The following EVC2 variants were observed in gnomAD, a reference collection of about 807,000 sequenced individuals.
EVC2 encodes EvC ciliary complex subunit 2.
EVC2 carries 148 observed loss-of-function variants against 149.3 expected under a neutral mutation model. The ratio of observed to expected loss-of-function variants is 0.99; its 90% CI spans 0.87 to 1.14. The LOEUF is 1.14. EVC2 is among the 50% of genes most tolerant of loss of function. The pLI, the probability that EVC2 is intolerant of heterozygous loss-of-function variation, is 0.00. For missense variants in EVC2, 1,854 were observed against 1,627.3 expected (o/e 1.14, Z -2.40); for synonymous variants, 776 against 649.9 (o/e 1.19, Z -2.95).
the EVC2 span, among the ~76,000 whole-genome samples, chr4:5,533,663 G>A: frequency 6.6e-6 from 1 of 152,222 alleles, no homozygotes; most frequent in Non-Finnish European, 1.5e-5. Flanking sequence ...TTGTTCCCCT[G>A]CACTACCCAT....
intron 16 of EVC2, among the ~76,000 whole-genome samples, chr4:5,595,204 G>C (rs1008327950): frequency 1.4e-4 from 22 of 152,038 alleles, no homozygotes; most frequent in African/African-American, 2.9e-4. Flanking sequence ...TTCAGATTCA[G>C]GAAATACAGA....
At position 5,685,357 on chromosome 4, in the gene EVC2, AC is replaced by A; in HGVS notation, c.816+12del. 6.2e-7 allele frequency: 1 copy of A among 1,613,384 alleles called. No individual in the cohort carries two copies. Among genetic ancestry groups the A allele is most frequent in the Non-Finnish European group, 8.5e-7 (1 of 1,179,304 alleles). ...CAGTGGCAAGACAGAGATTAAAGTAACAAAGGTCATACCCGTGACGAGCTCT... is the reference window on the plus strand; with the variant it reads ...CAGTGGCAAGACAGAGATTAAAGTAAAAAGGTCATACCCGTGACGAGCTCT... On this transcript the variant is annotated intron_variant, in intron 6 of 21. Transcript: ENST00000344408.
intron 16 of EVC2, among the ~76,000 whole-genome samples, chr4:5,601,889 G>A (rs913869868): frequency 2.0e-5 from 3 of 152,192 alleles, no homozygotes; most frequent in Non-Finnish European, 4.4e-5. Context: ...CACATCAGAG[G>A]CAGAGAGTGA....
At chr4:5,619,472 G>A (rs1241429964) in intron 14 of EVC2, among the ~76,000 whole-genome samples, 1 of 152,170 alleles carries the variant, frequency 6.6e-6, no homozygotes, top group African/African-American at 2.4e-5. Context: ...AGCAACACCA[G>A]CAGCTAAGAA....
chr4:5,634,962 T>A (rs937076378), intron 10 of EVC2, among the ~76,000 whole-genome samples: 1 of 151,146 alleles, frequency 6.6e-6, no homozygotes, highest in Admixed American at 6.6e-5. Context: ...AGTCTTCCCA[T>A]CCTTTAGCTG....
chr4:5,681,298 T>C lies in EVC2; in HGVS notation c.832A>G (p.Lys278Glu). 6.2e-7 allele frequency: 1 copy of C among 1,614,252 alleles called. No homozygotes were observed. Residue 278 changes from lysine (K) to glutamate (E), a missense_variant, in exon 7 of 22, where the codon AAA (lysine) becomes GAA (glutamate). Lys to Glu is a moderately conservative substitution (Grantham distance 56, BLOSUM62 1). Transcript: ENST00000344408. ...TCTGCTGTTATGGAAAAAAGCACTT[T>C]CAGCTGTGTTCTGTTCTAGAAAAGG... ...QSSSRNRTQL[K>E]VLFSITAEEN...
intron 21 of EVC2, among the ~76,000 whole-genome samples, chr4:5,564,311 T>A (rs1194219495): frequency 6.6e-6 from 1 of 152,222 alleles, no homozygotes. Flanking sequence ...CCACTTCTAT[T>A]AGTGCAGCCT....
chr4:5,596,944 C>T (rs1259122431), intron 16 of EVC2, among the ~76,000 whole-genome samples: 1 of 152,188 alleles, frequency 6.6e-6, no homozygotes. Flanking sequence ...CACCTCTACG[C>T]AAATAAACTA....
At chr4:5,664,206 G>A (rs772013462) in intron 8 of EVC2, among the ~76,000 whole-genome samples, 6 of 152,182 alleles carry the variant, frequency 3.9e-5, no homozygotes, top group African/African-American at 1.2e-4. Context: ...GTGAAATAAC[G>A]TTATTGAAGG....
chr4:5,628,691 C>G lies in EVC2; in HGVS notation c.1754G>C (p.Arg585Thr). 1 of 1,613,734 alleles carries G rather than the reference C, an allele frequency of 6.2e-7. No homozygotes were observed. Among genetic ancestry groups the G allele is most frequent in the Non-Finnish European group, 8.5e-7 (1 of 1,179,956 alleles). ...GCCAAATCTTTTACTTAGATGATAC[C>G]TCTTACTAGCCTGGAAAAAGTCCAT... ...ELMDFFQASK[R>T]YHLSKRFGHR... The change falls in exon 12 of 22, where the codon AGG becomes ACG. Residue 585 changes from arginine (R) to threonine (T), a missense_variant. Arg to Thr is a moderately conservative substitution (Grantham distance 71). Coordinates refer to ENST00000344408, the MANE Select transcript of EVC2 (RefSeq NM_147127.5).
chr4:5,706,146 G>C (rs1486879933), intron 1 of EVC2, among the ~76,000 whole-genome samples: 1 of 151,714 alleles, frequency 6.6e-6, no homozygotes, highest in African/African-American at 2.4e-5. Context: ...TTCAAGTCTT[G>C]ACTGACCTTC....
intron 21 of EVC2, among the ~76,000 whole-genome samples, chr4:5,546,988 A>G (rs1179436075): frequency 6.6e-6 from 1 of 152,182 alleles, no homozygotes; most frequent in Non-Finnish European, 1.5e-5. Flanking sequence ...TGGAGCAGGC[A>G]GGAGCCCCAC....
In EVC2 at chr4:5,567,095, G is replaced by A. The variant is rs1722333228; in HGVS notation, c.3557+1349C>T. Reference sequence around the variant, plus strand: ...GGTGGCCTCCTTCTGGCTCCCTCTTGTTCCTCTGACCAGCCCACACCCAGC... The same window carrying A: ...GGTGGCCTCCTTCTGGCTCCCTCTTATTCCTCTGACCAGCCCACACCCAGC... On this transcript the variant is annotated intron_variant, in intron 20 of 21. Coordinates refer to ENST00000344408, the MANE Select transcript of EVC2 (RefSeq NM_147127.5). The surrounding 1 kb of genome is among the most constrained non-coding windows in gnomAD (Gnocchi z 4.4). Among the ~76,000 whole-genome samples the A allele has an allele frequency of 6.6e-6, 1 of 151,846 alleles. No individual in the cohort carries two copies. Among genetic ancestry groups the A allele is most frequent in the Non-Finnish European group, 1.5e-5 (1 of 68,012 alleles).
At chr4:5,682,212 C>T (rs989420636) in intron 6 of EVC2, among the ~76,000 whole-genome samples, 8 of 152,032 alleles carry the variant, frequency 5.3e-5, no homozygotes, top group Non-Finnish European at 1.2e-4. Context: ...AATAGCAGGC[C>T]GGGGGCGGTG....
chr4:5,682,490 C>CAA lies in EVC2; in HGVS notation c.817-1179_817-1178dup, dbSNP rs772121177. On this transcript the variant is annotated intron_variant, in intron 6 of 21. Coordinates refer to ENST00000344408, the MANE Select transcript of EVC2 (RefSeq NM_147127.5). The stretch of plus-strand genomic sequence containing the variant: ...GGGTGACAAGAGTGAAATGCTGTCT[C>CAA]AAAAAAAAAAAATAATAATAATAAT... Among the ~76,000 whole-genome samples, 311 of 141,924 alleles carry CAA rather than the reference C, an allele frequency of 2.2e-3. 1 individual carries two copies. Among genetic ancestry groups the CAA allele is most frequent in the African/African-American group, 7.5e-3 (284 of 37,646 alleles). 93.1% of individuals were successfully genotyped at this position (141,924 alleles called of 152,430 possible). A position where few individuals can be genotyped will look rare whatever the true frequency, so the allele number is the denominator to read the frequency against.
chr4:5,534,259 T>A, the EVC2 span, among the ~76,000 whole-genome samples: 2 of 152,162 alleles, frequency 1.3e-5, no homozygotes, highest in Non-Finnish European at 2.9e-5. Context: ...TGTTAACTCA[T>A]TGAAGGGTGG....
intron 21 of EVC2, among the ~76,000 whole-genome samples, chr4:5,555,015 AGCGT>A (rs890844100): frequency 6.9e-5 from 8 of 115,544 alleles, no homozygotes; most frequent in African/African-American, 2.5e-4. Context: ...AGAGAGAGGA[AGCGT>A]GTGTGTGTGT....
intron 17 of EVC2, among the ~76,000 whole-genome samples, chr4:5,581,887 G>A (rs1347481740): frequency 1.3e-5 from 2 of 152,244 alleles, no homozygotes; most frequent in African/African-American, 4.8e-5. Flanking sequence ...GACCCCAGGT[G>A]CAGCTTGGAC....
At chr4:5,617,083 G>GA (rs796348126) in intron 15 of EVC2, among the ~76,000 whole-genome samples, 2 of 149,056 alleles carry the variant, frequency 1.3e-5, no homozygotes, top group African/African-American at 2.6e-5. Context: ...CAGAAGTAGG[G>GA]AAAAAAACAA....
Sources: allele counts gnomAD v4.1 joint callset (sites outside exome capture counted in the v4.1 genomes callset), GRCh38; gene constraint gnomAD v4.1.1; non-coding constraint Gnocchi (gnomAD v3.1); transcripts MANE v1.5; gene names NCBI Gene and HGNC (gene_info 2026-07-23, HGNC 2026-07-21).